The following LCORL variants were observed in gnomAD, a reference collection of about 807,000 sequenced individuals.
LCORL encodes the protein ligand-dependent nuclear receptor corepressor-like protein.
Under a neutral mutation model 141.8 loss-of-function variants are expected in LCORL, and 41 were observed. The ratio of observed to expected loss-of-function variants is 0.29; its 90% CI spans 0.23 to 0.38. LCORL has a LOEUF of 0.38. Ranked by LOEUF, LCORL falls within the 10% of genes least tolerant of loss-of-function variation. LCORL has a pLI of 1.00. For missense variants in LCORL, 1,759 were observed against 2,035.0 expected, an observed-to-expected ratio of 0.86 and a Z score of 2.61; for synonymous variants, 618 against 694.1, an observed-to-expected ratio of 0.89 and a Z score of 1.72.
chr4:17,948,747 T>A (rs1337092147), intron 4 of LCORL, among the ~76,000 whole-genome samples: 1 of 151,806 alleles, frequency 6.6e-6, no homozygotes, highest in African/African-American at 2.4e-5. Flanking sequence ...CTACCTTACC[T>A]GACTTATTAT....
At chr4:17,907,220 T>C (rs1409674588) in intron 5 of LCORL, among the ~76,000 whole-genome samples, 3 of 152,230 alleles carry the variant, frequency 2.0e-5, no homozygotes, top group Admixed American at 6.5e-5. Flanking sequence ...TATAGATCAC[T>C]ATCACGTTAC....
intron 6 of LCORL, chr4:17,881,140 C>T (rs966530205): frequency 1.0e-6 from 1 of 981,682 alleles, no homozygotes; most frequent in Non-Finnish European, 1.2e-6. Context: ...AACAGAGGCA[C>T]TGTTTTCTCT....
chr4:17,945,666 T>C lies in LCORL; in HGVS notation c.430+16237A>G, dbSNP rs1051186878. Among the ~76,000 whole-genome samples the C allele has an allele frequency of 4.6e-5, 7 of 152,042 alleles. No homozygotes were observed. In the East Asian group the frequency reaches 1.3e-3, roughly 29 times the overall value. ...TTAGTATGTTGGGCTATCTTAAGTT[T>C]GTAGGCAGACTACAATCAAATTAGT... On this transcript the variant is annotated intron_variant, in intron 4 of 7. Coordinates refer to ENST00000635767, the Ensembl canonical transcript of LCORL.
At chr4:17,958,255 T>C (rs1041555508) in intron 4 of LCORL, among the ~76,000 whole-genome samples, 1 of 151,646 alleles carries the variant, frequency 6.6e-6, no homozygotes, top group Non-Finnish European at 1.5e-5. Flanking sequence ...GAATTGTGGG[T>C]ACGTGAATGC....
Position 18,001,657 on chromosome 4 carries a change from A to C in LCORL, c.154+19941T>G, listed in dbSNP as rs1016837454. 9.2e-5 allele frequency among the ~76,000 whole-genome samples: 14 copies of C among 152,344 alleles called. No homozygotes were observed. In the South Asian group the frequency reaches 2.9e-3, roughly 32 times the overall value. On this transcript the variant is annotated intron_variant, in intron 1 of 7. Transcript: ENST00000635767. Reference sequence around the variant, plus strand: ...AAGACAGAGAAAGGCACAGATCTGGAAATCAGTATGCAACTATTTTTGAGA... The same window carrying C: ...AAGACAGAGAAAGGCACAGATCTGGCAATCAGTATGCAACTATTTTTGAGA...
intron 7 of LCORL, among the ~76,000 whole-genome samples, chr4:17,855,560 T>G (rs764008655): frequency 1.9e-4 from 29 of 152,188 alleles, no homozygotes; most frequent in Non-Finnish European, 4.0e-4. Context: ...ATCCTTAAAT[T>G]TACTTTCTTT....
At chr4:17,881,911 A>C (rs1242030160) in intron 6 of LCORL, 34 of 983,246 alleles carry the variant, frequency 3.5e-5, no homozygotes, top group Non-Finnish European at 4.0e-5. Flanking sequence ...ATATGGCTTA[A>C]TTCTTTAAAA....
chr4:17,998,748 T>C (rs953077188), intron 1 of LCORL, among the ~76,000 whole-genome samples: 1 of 151,530 alleles, frequency 6.6e-6, no homozygotes, highest in Non-Finnish European at 1.5e-5. Flanking sequence ...GTGGATCCCT[T>C]GAGCTCACGA....
At chr4:17,927,955 C>T (rs1013636192) in intron 4 of LCORL, among the ~76,000 whole-genome samples, 1 of 152,142 alleles carries the variant, frequency 6.6e-6, no homozygotes, top group Non-Finnish European at 1.5e-5. Context: ...CTACAAAGCA[C>T]AATAAAGCAA....
At chr4:17,843,342 A>AGAC in exon 8 of LCORL, 1 of 1,612,074 alleles carries the variant, frequency 6.2e-7, no homozygotes, top group Non-Finnish European at 8.5e-7. Context: ...AATGAAGATG[A>AGAC]GACTACCAAG....
chr4:17,929,423 T>C (rs1198991607), intron 4 of LCORL, among the ~76,000 whole-genome samples: 4 of 152,210 alleles, frequency 2.6e-5, no homozygotes, highest in Non-Finnish European at 5.9e-5. Flanking sequence ...TAGATAGACA[T>C]GTAGAACAAT....
intron 4 of LCORL, 79 bp downstream of exon 4, chr4:17,961,824 A>T: frequency 8.3e-7 from 1 of 1,211,252 alleles, no homozygotes; most frequent in Non-Finnish European, 1.2e-6. Context: ...ACTGACATAT[A>T]AAAAACTTTT....
intron 4 of LCORL, among the ~76,000 whole-genome samples, chr4:17,926,963 A>G (rs1735249159): frequency 6.6e-6 from 1 of 152,246 alleles, no homozygotes; most frequent in Admixed American, 6.5e-5. Context: ...GAAGCTTTGA[A>G]GCCAGGCATT....
intron 7 of LCORL, among the ~76,000 whole-genome samples, chr4:17,858,523 G>A (rs1310112213): frequency 2.0e-5 from 3 of 151,160 alleles, no homozygotes; most frequent in Non-Finnish European, 4.4e-5. Flanking sequence ...TCAGGAGTTC[G>A]AGACCAGCCT....
In LCORL at chr4:17,847,946, T is replaced by C. The variant is rs1311734564; in HGVS notation, c.5603-2045A>G. 2.0e-5 allele frequency among the ~76,000 whole-genome samples: 3 copies of C among 152,200 alleles called. No individual in the cohort carries two copies. In the East Asian group the frequency reaches 5.8e-4, roughly 29 times the overall value. ...AACTCCAAAAAATAAAATGAAGGCA[T>C]AGAACAAATAATCATGGTCACAAAT... On this transcript the variant is annotated intron_variant, in intron 7 of 7. Transcript: ENST00000635767.
At chr4:18,015,804 A>G (rs1170025476) in intron 1 of LCORL, among the ~76,000 whole-genome samples, 1 of 151,278 alleles carries the variant, frequency 6.6e-6, no homozygotes, top group Non-Finnish European at 1.5e-5. Context: ...GATTAACAGG[A>G]AAAGTAAAAT....
chr4:17,841,650 C>T (rs1722418221), exon 8 of LCORL: 1 of 151,668 alleles, frequency 6.6e-6, no homozygotes, highest in Admixed American at 6.6e-5. Flanking sequence ...TTTAATAGAC[C>T]AAACTTCATA....
At chr4:17,881,713 G>A (rs1005125146) in intron 6 of LCORL, 2 of 945,540 alleles carry the variant, frequency 2.1e-6, no homozygotes, top group Non-Finnish European at 2.5e-6. Flanking sequence ...TATAGTGTGA[G>A]GAATAAAAAA....
Position 18,013,819 on chromosome 4 carries a change from T to TTC in LCORL, c.154+7778_154+7779insGA, listed in dbSNP as rs551891032. On this transcript the variant is annotated intron_variant, in intron 1 of 7. Transcript: ENST00000635767. Reference sequence around the variant, plus strand: ...AAAAGCCTCTAGGTTGCAGTTGAATTTTTTTTTTTTTCGGAGTCTTGGTCT... The same window carrying TTC: ...AAAAGCCTCTAGGTTGCAGTTGAATTTCTTTTTTTTTTTCGGAGTCTTGGTCT... 8.6e-5 allele frequency among the ~76,000 whole-genome samples: 13 copies of TTC among 150,872 alleles called. No homozygotes were observed. In the East Asian group the frequency reaches 2.6e-3, roughly 30 times the overall value.
Sources: allele counts gnomAD v4.1 joint callset (sites outside exome capture counted in the v4.1 genomes callset), GRCh38; gene constraint gnomAD v4.1.1; transcripts MANE v1.5; gene names NCBI Gene and HGNC (gene_info 2026-07-23, HGNC 2026-07-21).